PCDH15: variants seen among roughly 807,000 people sequenced by gnomAD.
The protein encoded by PCDH15 is protocadherin related 15.
A neutral mutation model predicts 178.5 loss-of-function variants in PCDH15; 129 were observed. That is an observed-to-expected ratio of 0.72 (90% CI 0.63 to 0.84). The LOEUF is 0.84. Among genes scored for constraint, PCDH15 ranks in the 40% least tolerant of loss-of-function variants. PCDH15 has a pLI of 0.00. For missense variants in PCDH15, 2,230 were observed against 2,099.9 expected, an observed-to-expected ratio of 1.06 and a Z score of -1.21; for synonymous variants, 800 against 732.0, an observed-to-expected ratio of 1.09 and a Z score of -1.50.
At chr10:54,798,542 T>C (rs1952298018) in intron 1 of PCDH15, among the ~76,000 whole-genome samples, 1 of 152,094 alleles carries the variant, frequency 6.6e-6, no homozygotes. Context: ...ATGATTCTAG[T>C]TCACAAGTGG....
At chr10:54,015,979 G>A (rs1156938584) in intron 20 of PCDH15, among the ~76,000 whole-genome samples, 1 of 152,032 alleles carries the variant, frequency 6.6e-6, no homozygotes, top group Non-Finnish European at 1.5e-5. Flanking sequence ...AGAGTAAACA[G>A]GCCACCTACA....
chr10:54,098,718 A>C (rs1201285503), intron 15 of PCDH15, among the ~76,000 whole-genome samples: 1 of 152,184 alleles, frequency 6.6e-6, no homozygotes, highest in African/African-American at 2.4e-5. Flanking sequence ...CTTTCTATGA[A>C]GGTTGTGACA....
intron 2 of PCDH15, among the ~76,000 whole-genome samples, chr10:54,584,088 C>G (rs527835698): frequency 2.6e-5 from 4 of 152,174 alleles, no homozygotes; most frequent in South Asian, 2.1e-4. Context: ...CTCATTATTA[C>G]ATAATATATT....
intron 26 of PCDH15, among the ~76,000 whole-genome samples, chr10:53,877,515 A>T (rs2080333568): frequency 6.6e-6 from 1 of 152,098 alleles, no homozygotes; most frequent in East Asian, 1.9e-4. Context: ...TACATCCTAA[A>T]TCCTTCAGCA....
Position 54,600,003 on chromosome 10 carries a change from G to A in PCDH15, c.91+64169C>T, listed in dbSNP as rs77798759. On this transcript the variant is annotated intron_variant, in intron 2 of 37. Transcript: ENST00000644397. ...AGTCTACTGTGCCAAAATCACCAAAGGAAGAGGCAAAGTCAAAAGCAGAAG... is the reference window on the plus strand; with the variant it reads ...AGTCTACTGTGCCAAAATCACCAAAAGAAGAGGCAAAGTCAAAAGCAGAAG... 1,950 of 1,344,790 alleles carry A rather than the reference G, an allele frequency of 1.5e-3. 29 individuals are homozygous for A. The African/African-American group carries it at 0.024, about 17-fold the overall frequency. The allele number at this position is 1,344,790 out of a possible 1,614,324, so 83.3% of individuals were successfully genotyped here. A position where few individuals can be genotyped will look rare whatever the true frequency, so the allele number is the denominator to read the frequency against.
intron 23 of PCDH15, among the ~76,000 whole-genome samples, chr10:53,952,876 A>T (rs1479216944): frequency 6.6e-6 from 1 of 152,244 alleles, no homozygotes. Flanking sequence ...CCAGGTGGTG[A>T]CAATGCTCGG....
Position 54,205,481 on chromosome 10 carries a change from TTGTGTG to T in PCDH15, c.1098+8449_1098+8454del, listed in dbSNP as rs71461223. Among the ~76,000 whole-genome samples the T allele has an allele frequency of 6.2e-3, 839 of 135,166 alleles. 8 individuals are homozygous for T. Among genetic ancestry groups the T allele is most frequent in the African/African-American group, 0.022 (785 of 36,398 alleles). The allele number at this position is 135,166 out of a possible 152,430, so 88.7% of individuals were successfully genotyped here. A position where few individuals can be genotyped will look rare whatever the true frequency, so the allele number is the denominator to read the frequency against. On this transcript the variant is annotated intron_variant, in intron 10 of 37. Transcript: ENST00000644397. Reference sequence around the variant, plus strand: ...AACAGGTTATCAGGTTATATTTCCTTTGTGTGTGTGTGTGTGTGTGTGTGTGTGTGT... The same window carrying T: ...AACAGGTTATCAGGTTATATTTCCTTTGTGTGTGTGTGTGTGTGTGTGTGT...
chr10:54,864,989 T>C (rs914967378), intron 3 of PCDH15, among the ~76,000 whole-genome samples: 3 of 152,192 alleles, frequency 2.0e-5, no homozygotes, highest in Non-Finnish European at 4.4e-5. Context: ...GCAGCCATCA[T>C]AGAGGCTGTG....
chr10:55,324,919 C>A (rs1347675778), intron 2 of PCDH15, among the ~76,000 whole-genome samples: 1 of 152,024 alleles, frequency 6.6e-6, no homozygotes, highest in Non-Finnish European at 1.5e-5. Flanking sequence ...CATTTCTATA[C>A]ACCAAGAATA....
At chr10:54,763,479 TG>T (rs1184271127) in intron 1 of PCDH15, among the ~76,000 whole-genome samples, 1 of 152,066 alleles carries the variant, frequency 6.6e-6, no homozygotes, top group Non-Finnish European at 1.5e-5. Flanking sequence ...TGGAACTGTG[TG>T]GAGTTTATTT....
intron 3 of PCDH15, among the ~76,000 whole-genome samples, chr10:54,473,309 T>C (rs1465452817): frequency 6.6e-6 from 1 of 152,166 alleles, no homozygotes; most frequent in African/African-American, 2.4e-5. Flanking sequence ...GAGCAAGTTA[T>C]TGCCAACTAA....
At chr10:55,528,223 T>C (rs1353789902) in intron 2 of PCDH15, among the ~76,000 whole-genome samples, 3 of 151,580 alleles carry the variant, frequency 2.0e-5, no homozygotes, top group African/African-American at 4.8e-5. Flanking sequence ...TTATTATTTA[T>C]TTATTTATTT....
intron 1 of PCDH15, among the ~76,000 whole-genome samples, chr10:55,303,302 G>C (rs1843335827): frequency 6.6e-6 from 1 of 152,140 alleles, no homozygotes; most frequent in East Asian, 1.9e-4. Flanking sequence ...CATTACTGAA[G>C]GGTTTGGGCT....
At chr10:55,304,372 T>C (rs1211960338) in intron 1 of PCDH15, among the ~76,000 whole-genome samples, 2 of 152,174 alleles carry the variant, frequency 1.3e-5, no homozygotes, top group African/African-American at 4.8e-5. Context: ...CCTAAGTATA[T>C]CACTGCACTG....
At chr10:53,947,028 G>A (rs1009823223) in intron 23 of PCDH15, among the ~76,000 whole-genome samples, 2 of 152,022 alleles carry the variant, frequency 1.3e-5, no homozygotes, top group African/African-American at 4.8e-5. Flanking sequence ...CACCCATCTC[G>A]GCCTCTCAAA....
chr10:53,919,637 C>T (rs920760125), intron 25 of PCDH15, among the ~76,000 whole-genome samples: 32 of 152,086 alleles, frequency 2.1e-4, no homozygotes, highest in African/African-American at 7.7e-4. Flanking sequence ...TCAGACTGAA[C>T]CCGTAACAAC....
At chr10:53,852,319 AG>A (rs1366394552) in intron 28 of PCDH15, among the ~76,000 whole-genome samples, 1 of 152,156 alleles carries the variant, frequency 6.6e-6, no homozygotes, top group Non-Finnish European at 1.5e-5. Flanking sequence ...CCTTACAAAG[AG>A]GTGAATTCTA....
chr10:55,497,764 G>A (rs1306572039), intron 2 of PCDH15, among the ~76,000 whole-genome samples: 2 of 151,816 alleles, frequency 1.3e-5, no homozygotes, highest in African/African-American at 2.4e-5. Flanking sequence ...TCTGAATGTT[G>A]CCTCGTCTTT....
intron 2 of PCDH15, among the ~76,000 whole-genome samples, chr10:55,548,130 TTGAGACACCTTACC>T (rs952880061): frequency 8.0e-5 from 12 of 150,562 alleles, no homozygotes; most frequent in African/African-American, 2.9e-4. Context: ...CTCCACCTAT[TTGAGACACCTTACC>T]TGAGACTCTG....
Sources: gnomAD v4.1 joint callset for allele counts (sites outside exome capture counted in the v4.1 genomes callset) on GRCh38, gnomAD v4.1.1 for gene constraint, MANE v1.5 for transcripts, NCBI Gene and HGNC (gene_info 2026-07-23, HGNC 2026-07-21) for gene names.